The following TENM1 variants were observed in gnomAD, a reference collection of about 807,000 sequenced individuals.
TENM1 encodes teneurin transmembrane protein 1, also known as teneurin-1.
A neutral mutation model predicts 174.8 loss-of-function variants in TENM1; 35 were observed. That is an observed-to-expected ratio of 0.20 (90% CI 0.15 to 0.27). TENM1 has a LOEUF of 0.27. Among genes scored for constraint, TENM1 ranks in the 10% least tolerant of loss-of-function variants. TENM1 has a pLI of 1.00. For synonymous variants in TENM1, 781 were observed against 798.7 expected, an observed-to-expected ratio of 0.98 and a Z score of 0.37; for missense variants, 1,633 against 2,130.1, an observed-to-expected ratio of 0.77 and a Z score of 4.59.
At chrX:125,189,837 G>C in the TENM1 span, among the ~76,000 whole-genome samples, 1 of 112,120 alleles carries the variant, frequency 8.9e-6, no homozygotes, top group Non-Finnish European at 1.9e-5. Context: ...TCAAATAGAT[G>C]TTAAAAGTAT....
intron 22 of TENM1, among the ~76,000 whole-genome samples, chrX:124,472,386 T>G (rs1343010817): frequency 1.4e-4 from 15 of 105,765 alleles, no homozygotes; most frequent in African/African-American, 4.5e-4. Flanking sequence ...CTCCTGGGTT[T>G]TTTTTTTTTT....
intron 3 of TENM1, among the ~76,000 whole-genome samples, chrX:124,833,737 C>T (rs2056336647): frequency 9.0e-6 from 1 of 111,137 alleles, no homozygotes; most frequent in African/African-American, 3.3e-5. Context: ...GCTTTGGCTG[C>T]CACTGACCAC....
intron 5 of TENM1, among the ~76,000 whole-genome samples, chrX:124,699,106 C>T (rs1048793950): frequency 8.9e-6 from 1 of 111,777 alleles, no homozygotes; most frequent in African/African-American, 3.2e-5. Flanking sequence ...ATTCACATAT[C>T]TATGTATGCA....
chrX:124,453,597 T>C (rs2061068757), intron 22 of TENM1, 106 bp from the exon 26 acceptor site: 1 of 759,129 alleles, frequency 1.3e-6, no homozygotes, highest in Non-Finnish European at 1.9e-6. Flanking sequence ...TTTAAAGACA[T>C]ATAGATTCAA....
At chrX:124,758,240 A>G (rs139743195) in intron 3 of TENM1, among the ~76,000 whole-genome samples, 41 of 112,517 alleles carry the variant, frequency 3.6e-4, no homozygotes, top group East Asian at 3.1e-3. Context: ...TTGAATAGAT[A>G]TCTTTCTAAA....
At chrX:124,905,761 A>G (rs1201197845) in intron 1 of TENM1, among the ~76,000 whole-genome samples, 1 of 111,618 alleles carries the variant, frequency 9.0e-6, no homozygotes, top group African/African-American at 3.3e-5. Context: ...CTGCACAGAA[A>G]AAGAATTCCA....
chrX:124,666,271 C>T (rs1402037185), intron 6 of TENM1, among the ~76,000 whole-genome samples: 1 of 111,306 alleles, frequency 9.0e-6, no homozygotes, highest in African/African-American at 3.3e-5. Context: ...CCCACCCATC[C>T]TTCTTTGTTC....
At chrX:124,823,664 T>G (rs986664424) in intron 3 of TENM1, among the ~76,000 whole-genome samples, 1 of 110,555 alleles carries the variant, frequency 9.0e-6, no homozygotes, top group African/African-American at 3.3e-5. Context: ...GTGAAAAAAA[T>G]TTAAAATTTA....
chrX:125,144,155 A>G, the TENM1 span, among the ~76,000 whole-genome samples: 2 of 111,715 alleles, frequency 1.8e-5, no homozygotes, highest in African/African-American at 6.5e-5. Context: ...ATGAATCCAA[A>G]GAGATGGCTC....
chrX:124,901,406 T>A (rs1320650376), intron 1 of TENM1, among the ~76,000 whole-genome samples: 3 of 112,052 alleles, frequency 2.7e-5, no homozygotes, highest in Non-Finnish European at 5.6e-5. Flanking sequence ...AAAGAAGCCA[T>A]TTATCAAAAC....
At chrX:124,949,441 C>A (rs930913931) in intron 1 of TENM1, among the ~76,000 whole-genome samples, 1 of 111,599 alleles carries the variant, frequency 9.0e-6, no homozygotes, top group Non-Finnish European at 1.9e-5. Context: ...AGTTTACAGT[C>A]TAGGTGGAGA....
At chrX:124,768,462 T>C (rs2054580476) in intron 3 of TENM1, among the ~76,000 whole-genome samples, 1 of 112,025 alleles carries the variant, frequency 8.9e-6, no homozygotes, top group African/African-American at 3.2e-5. Context: ...CAACACCATG[T>C]TGGCACATTA....
Position 124,830,189 on chromosome X carries a change from C to T in TENM1, c.535+64107G>A, listed in dbSNP as rs111327087. Among the ~76,000 whole-genome samples the T allele has an allele frequency of 3.7e-3, 416 of 112,109 alleles. 2 individuals carry two copies. The highest frequency in any genetic ancestry group is 0.013 in the African/African-American group (388 of 30,850). The stretch of plus-strand genomic sequence containing the variant: ...GGGGCTAGAAATGAAGAAATAAGGA[C>T]GTGGCTTGGCATGACACATGTCCTC... On this transcript the variant is annotated intron_variant, in intron 3 of 31. Transcript: ENST00000422452.
intron 1 of TENM1, 73 bp from the exon 5 acceptor site, chrX:124,896,314 T>A (rs1272002727): frequency 9.3e-7 from 1 of 1,075,418 alleles, no homozygotes; most frequent in East Asian, 3.0e-5. Flanking sequence ...TACTTTTTGT[T>A]CTCATTCCCC....
chrX:124,472,306 T>C (rs1216488742), intron 22 of TENM1, among the ~76,000 whole-genome samples: 1 of 66,908 alleles, frequency 1.5e-5, no homozygotes, highest in Non-Finnish European at 2.5e-5. Context: ...CCAGCTTAGA[T>C]AACTTTTAAA....
chrX:124,712,550 C>T (rs183451589), intron 4 of TENM1, among the ~76,000 whole-genome samples: 107 of 110,921 alleles, frequency 9.6e-4, no homozygotes, highest in African/African-American at 3.3e-3. Flanking sequence ...GGCACAATCT[C>T]GGTTCACTGC....
At chrX:125,193,524 A>G in the TENM1 span, among the ~76,000 whole-genome samples, 5 of 111,685 alleles carry the variant, frequency 4.5e-5, no homozygotes, top group African/African-American at 1.6e-4. Context: ...CGTCCGGTGT[A>G]TTAGGTATTG....
At chrX:124,578,269 T>C (rs1353731780) in intron 11 of TENM1, among the ~76,000 whole-genome samples, 1 of 111,785 alleles carries the variant, frequency 8.9e-6, no homozygotes, top group African/African-American at 3.3e-5. Flanking sequence ...ATAGTCCTAG[T>C]TTCCAAGGTT....
At chrX:124,919,590 T>G (rs753735971) in intron 1 of TENM1, among the ~76,000 whole-genome samples, 2 of 110,860 alleles carry the variant, frequency 1.8e-5, no homozygotes, top group South Asian at 7.7e-4. Flanking sequence ...GGTCATCTAG[T>G]AGGGAAGTGA....
Sources: allele counts gnomAD v4.1 joint callset (sites outside exome capture counted in the v4.1 genomes callset), GRCh38; gene constraint gnomAD v4.1.1; transcripts MANE v1.5; gene names NCBI Gene and HGNC (gene_info 2026-07-23, HGNC 2026-07-21).